FGF2: variants seen among roughly 807,000 people sequenced by gnomAD.
FGF2 encodes the protein basic fibroblast growth factor bFGF.
A neutral mutation model predicts 15.9 loss-of-function variants in FGF2; 13 were observed. The observed-to-expected ratio is 0.82, with a 90% CI of 0.53 to 1.30. The LOEUF (loss-of-function observed/expected upper bound fraction) is 1.30, where lower values mean the gene tolerates loss of function less well. Among genes scored for constraint, FGF2 ranks in the 50% most tolerant of loss-of-function variants. The pLI is 0.00. For synonymous variants in FGF2, 90 were observed against 78.4 expected (o/e 1.15, Z -0.78); for missense variants, 163 against 196.9 (o/e 0.83, Z 1.03).
At chr4:122,874,855 T>C (rs2150783313) in intron 1 of FGF2, among the ~76,000 whole-genome samples, 1 of 152,238 alleles carries the variant, frequency 6.6e-6, no homozygotes, top group South Asian at 2.1e-4. Context: ...TTATATTTAT[T>C]TTATATTTCT....
intron 2 of FGF2, among the ~76,000 whole-genome samples, chr4:122,891,876 A>G (rs985604243): frequency 1.3e-5 from 2 of 152,212 alleles, no homozygotes; most frequent in Non-Finnish European, 2.9e-5. Flanking sequence ...TGGGCTTCCC[A>G]TAGCATATTT....
chr4:122,897,866 T>C lies in FGF2; in HGVS notation c.*5470T>C. 1.7e-6 allele frequency: 1 copy of C among 577,628 alleles called. No homozygotes were observed. The allele number at this position is 577,628 out of a possible 1,614,324, so 35.8% of individuals were successfully genotyped here. On this transcript the variant is annotated 3_prime_UTR_variant, in exon 3 of 3. Transcript: ENST00000644866. ...TTCTTTTTTTGGGGGAGCTGGTAAC[T>C]GATGAAATCTTTTCCCACCTTTTCT...
rs1257441182 is a variant in FGF2, at chr4:122,894,154, T to C, written c.*1758T>C. 1 of 152,214 alleles carries C rather than the reference T, an allele frequency of 6.6e-6. No homozygotes were observed. The highest frequency in any genetic ancestry group is 1.5e-5 in the Non-Finnish European group (1 of 68,036). The allele number at this position is 152,214 out of a possible 1,614,324, so 9.4% of individuals were successfully genotyped here. The stretch of plus-strand genomic sequence containing the variant: ...ATATGCTCTTGTTTTTTCCCTCTAA[T>C]AGCTATGGAAAGATGCATAGAAAGA... On this transcript the variant is annotated 3_prime_UTR_variant, in exon 3 of 3. Coordinates refer to ENST00000644866, the MANE Select transcript of FGF2 (RefSeq NM_001361665.2).
intron 1 of FGF2, among the ~76,000 whole-genome samples, chr4:122,851,079 G>C (rs1726222135): frequency 6.6e-6 from 1 of 152,080 alleles, no homozygotes; most frequent in South Asian, 2.1e-4. Context: ...CCAACCAATT[G>C]CTTGGATCAA....
rs45567840 is a variant in FGF2 at position 122,830,054 on chromosome 4, C to T, written c.178+2702C>T. Among the ~76,000 whole-genome samples the T allele has an allele frequency of 1.7e-3, 263 of 152,302 alleles. 1 individual carries two copies. Among genetic ancestry groups the T allele is most frequent in the African/African-American group, 5.7e-3 (237 of 41,558 alleles). ...GTCTCATTCCTCAGACTGTTTTGTC[C>T]AACTGACCTGAACATCTGTCACTGG... is the stretch of plus-strand genomic sequence containing the variant. On this transcript the variant is annotated intron_variant, in intron 1 of 2. Transcript: ENST00000644866.
At chr4:122,854,272 T>A (rs1254849426) in intron 1 of FGF2, among the ~76,000 whole-genome samples, 1 of 152,242 alleles carries the variant, frequency 6.6e-6, no homozygotes, top group Non-Finnish European at 1.5e-5. Flanking sequence ...TCACTGATAC[T>A]CTTTTGATGG....
chr4:122,888,477 A>G (rs1471810241), intron 2 of FGF2, among the ~76,000 whole-genome samples: 1 of 152,202 alleles, frequency 6.6e-6, no homozygotes, highest in African/African-American at 2.4e-5. Context: ...AATAAGAGCC[A>G]AATATTTACA....
chr4:122,861,632 T>C (rs1036141558), intron 1 of FGF2, among the ~76,000 whole-genome samples: 15 of 126,984 alleles, frequency 1.2e-4, no homozygotes, highest in East Asian at 7.1e-4. Context: ...CTGTCCTTTG[T>C]CCCCACTGTT....
chr4:122,849,600 T>TAA (rs572874888), intron 1 of FGF2, among the ~76,000 whole-genome samples: 1 of 142,690 alleles, frequency 7.0e-6, no homozygotes, highest in Admixed American at 7.0e-5. Context: ...TAAAGTAAAA[T>TAA]AAAAAAAAAA....
intron 2 of FGF2, among the ~76,000 whole-genome samples, chr4:122,884,088 T>G (rs1727011820): frequency 6.6e-6 from 1 of 152,222 alleles, no homozygotes; most frequent in African/African-American, 2.4e-5. Flanking sequence ...TATATCCTTT[T>G]TAAGAGATAA....
intron 1 of FGF2, among the ~76,000 whole-genome samples, chr4:122,871,963 C>G (rs879509735): frequency 6.6e-6 from 1 of 152,112 alleles, no homozygotes; most frequent in Non-Finnish European, 1.5e-5. Context: ...AGTGCCTCTT[C>G]TCCTCCAAAT....
At chr4:122,828,819 T>G (rs79745878) in intron 1 of FGF2, among the ~76,000 whole-genome samples, 432 of 150,226 alleles carry the variant, frequency 2.9e-3, no homozygotes, top group Non-Finnish European at 4.6e-3. Context: ...TAGTTCTCTA[T>G]TCTGGTAACT....
intron 2 of FGF2, among the ~76,000 whole-genome samples, chr4:122,890,730 T>C (rs1416722406): frequency 2.0e-5 from 3 of 152,232 alleles, no homozygotes; most frequent in Non-Finnish European, 4.4e-5. Flanking sequence ...CTTTTTAATG[T>C]GGGCTTTTCC....
chr4:122,854,256 C>T (rs1411510838), intron 1 of FGF2, among the ~76,000 whole-genome samples: 7 of 152,274 alleles, frequency 4.6e-5, no homozygotes, highest in African/African-American at 9.6e-5. Flanking sequence ...TGAGCATATT[C>T]GTTATTCACT....
intron 1 of FGF2, among the ~76,000 whole-genome samples, chr4:122,873,355 G>A (rs1474736098): frequency 6.6e-6 from 1 of 152,234 alleles, no homozygotes; most frequent in East Asian, 1.9e-4. Context: ...ACTTGAAGAG[G>A]ATCTCTTAGC....
chr4:122,863,787 G>C (rs1391475786), intron 1 of FGF2, among the ~76,000 whole-genome samples: 2 of 152,202 alleles, frequency 1.3e-5, no homozygotes. Flanking sequence ...GGTGAGGCAA[G>C]TCTGAGATCC....
Position 122,827,628 on chromosome 4 carries a change from G to C in FGF2, c.178+276G>C, listed in dbSNP as rs1476736699. ...CGGAGCCGCGGCGCGCCGGGGCCTC[G>C]CGGACTGGCTGTCTTCCCGCGGACA... On this transcript the variant is annotated intron_variant, in intron 1 of 2. Coordinates refer to ENST00000644866, the MANE Select transcript of FGF2 (RefSeq NM_001361665.2). This position sits in a 1 kb window ranked among gnomAD's most constrained non-coding sequence, Gnocchi z 4.2. Among the ~76,000 whole-genome samples, 1 of 152,104 alleles carries C rather than the reference G, an allele frequency of 6.6e-6. No individual in the cohort carries two copies. The highest frequency in any genetic ancestry group is 1.5e-5 in the Non-Finnish European group (1 of 67,998).
intron 1 of FGF2, among the ~76,000 whole-genome samples, chr4:122,867,390 G>A (rs541420058): frequency 6.6e-6 from 1 of 152,328 alleles, no homozygotes; most frequent in South Asian, 2.1e-4. Flanking sequence ...TAGTATTATG[G>A]TGTCTTTGGA....
chr4:122,876,059 CA>C (rs1264922427), intron 1 of FGF2, among the ~76,000 whole-genome samples: 1 of 152,088 alleles, frequency 6.6e-6, no homozygotes, highest in Non-Finnish European at 1.5e-5. Flanking sequence ...CACCCTGTGA[CA>C]CCTTCTCTGC....
Sources: allele counts gnomAD v4.1 joint callset (sites outside exome capture counted in the v4.1 genomes callset), GRCh38; gene constraint gnomAD v4.1.1; non-coding constraint Gnocchi (gnomAD v3.1); transcripts MANE v1.5; gene names NCBI Gene and HGNC (gene_info 2026-07-23, HGNC 2026-07-21).